The following CKAP2L variants were observed in gnomAD, a reference collection of about 807,000 sequenced individuals.
CKAP2L encodes cytoskeleton associated protein 2L, also known as cytoskeleton-associated protein 2-like.
CKAP2L carries 42 observed loss-of-function variants against 65.7 expected under a neutral mutation model. The observed-to-expected ratio is 0.64, with a 90% CI of 0.50 to 0.83. The LOEUF is 0.83. Ranked by LOEUF, CKAP2L falls within the 40% of genes least tolerant of loss-of-function variation. CKAP2L has a pLI of 0.00. For synonymous variants in CKAP2L, 325 were observed against 313.5 expected, an observed-to-expected ratio of 1.04 and a Z score of -0.39; for missense variants, 908 against 871.0, an observed-to-expected ratio of 1.04 and a Z score of -0.53.
chr2:112,760,032 T>G (rs991885522), intron 3 of CKAP2L, among the ~76,000 whole-genome samples: 4 of 152,176 alleles, frequency 2.6e-5, no homozygotes, highest in African/African-American at 9.7e-5. Flanking sequence ...TTAGTTACAT[T>G]TCAGAACACA....
intron 6 of CKAP2L, 120 bp from the exon 7 acceptor site, chr2:112,742,889 A>G (rs1680063893): frequency 3.1e-6 from 2 of 645,364 alleles, no homozygotes; most frequent in Admixed American, 6.3e-5. Context: ...ATCTCGTCTA[A>G]CTATAAATCT....
intron 7 of CKAP2L, chr2:112,742,501 C>T: frequency 2.8e-6 from 2 of 718,628 alleles, no homozygotes; most frequent in Non-Finnish European, 5.2e-6. Flanking sequence ...GTGGAAACAA[C>T]CTTTGTTCAG....
At chr2:112,750,925 C>G (rs1680354719) in intron 5 of CKAP2L, among the ~76,000 whole-genome samples, 1 of 151,870 alleles carries the variant, frequency 6.6e-6, no homozygotes, top group Non-Finnish European at 1.5e-5. Context: ...AACCTGAGGT[C>G]TTTTAAAAAG....
At position 112,737,419 on chromosome 2, in the gene CKAP2L, T is replaced by C. The variant is rs957376016; in HGVS notation, c.*1404A>G. 2 of 152,244 alleles carry C rather than the reference T, an allele frequency of 1.3e-5. No individual in the cohort carries two copies. Among genetic ancestry groups the C allele is most frequent in the African/African-American group, 4.8e-5 (2 of 41,464 alleles). 9.4% of individuals were successfully genotyped at this position (152,244 alleles called of 1,614,324 possible). A position where few individuals can be genotyped will look rare whatever the true frequency, so the allele number is the denominator to read the frequency against. On this transcript the variant is annotated 3_prime_UTR_variant, in exon 9 of 9. Transcript: ENST00000302450. ...CATGTCTTGTTAATAGCCATTCTTA[T>C]AGATGTGAGGTGATAGCTCACAGTG...
At position 112,756,524 on chromosome 2, in the gene CKAP2L, T is replaced by G. The variant is rs374752968; in HGVS notation, c.847A>C (p.Ile283Leu). 9.8e-5 allele frequency: 158 copies of G among 1,609,458 alleles called. No individual in the cohort carries two copies. The highest frequency in any genetic ancestry group is 1.2e-4 in the Non-Finnish European group (140 of 1,178,270). ...GACTGAACTTTACTAAGGGTCCGAA[T>G]AAAGTGAGAGGGAACCGTCCTTGAG... ...KPSRTVPSHF[I>L]RTLSKVQSSK... The change falls in exon 4 of 9, where the codon ATT becomes CTT. Residue 283 changes from isoleucine to leucine, a missense_variant. Ile to Leu is a conservative substitution (Grantham distance 5). Transcript: ENST00000302450.
At position 112,746,466 on chromosome 2, in the gene CKAP2L, A is replaced by G. The variant is rs1680203848; in HGVS notation, c.1712T>C (p.Phe571Ser). Residue 571 changes from phenylalanine to serine, a missense_variant, in exon 6 of 9, where the codon TTT becomes TCT. Coordinates refer to ENST00000302450, the MANE Select transcript of CKAP2L (RefSeq NM_152515.5). ...CTCTTCATATAGCCCAATAACATCA[A>G]AGGTGCCTTTACTTGCCAACAACTT... Reference protein sequence around the residue: ...KAKLLASKGTFDVIGLYEEAI... With the variant: ...KAKLLASKGTSDVIGLYEEAI... The G allele has an allele frequency of 1.9e-6, 3 of 1,613,286 alleles. No individual in the cohort carries two copies. The highest frequency in any genetic ancestry group is 2.5e-6 in the Non-Finnish European group (3 of 1,179,416).
intron 5 of CKAP2L, among the ~76,000 whole-genome samples, chr2:112,749,667 T>C (rs1028382353): frequency 2.0e-5 from 3 of 152,228 alleles, no homozygotes; most frequent in Admixed American, 2.0e-4. Context: ...AGATATTTTT[T>C]GGGTTAAAGA....
At chr2:112,749,706 G>C (rs1023592718) in intron 5 of CKAP2L, among the ~76,000 whole-genome samples, 3 of 152,156 alleles carry the variant, frequency 2.0e-5, no homozygotes, top group African/African-American at 7.2e-5. Context: ...AAGCTATTTA[G>C]AAATGAACAA....
At chr2:112,743,378 G>A (rs1292892816) in intron 6 of CKAP2L, among the ~76,000 whole-genome samples, 2 of 151,992 alleles carry the variant, frequency 1.3e-5, no homozygotes, top group Non-Finnish European at 2.9e-5. Flanking sequence ...TCCTGACATC[G>A]TGATCCACCC....
At position 112,761,014 on chromosome 2, in the gene CKAP2L, T is replaced by G. The variant is rs576141741; in HGVS notation, c.105-250A>C. On this transcript the variant is annotated intron_variant, in intron 2 of 8. Transcript: ENST00000302450. ...CCTTGTGATCCTTACAGAGACTGTC[T>G]ATACATAAATCTAGCATTCTCACAA... Among the ~76,000 whole-genome samples, 4 of 152,164 alleles carry G rather than the reference T, an allele frequency of 2.6e-5. No individual in the cohort carries two copies. The East Asian group carries it at 7.7e-4, about 29-fold the overall frequency.
intron 5 of CKAP2L, among the ~76,000 whole-genome samples, chr2:112,748,866 TAA>T (rs200133244): frequency 0.018 from 2,407 of 134,520 alleles, 72 homozygotes; most frequent in African/African-American, 0.062. Flanking sequence ...CCCTGTCTCT[TAA>T]AAAAAAAAAA....
At chr2:112,764,536 A>G in intron 1 of CKAP2L, 26 bp downstream of exon 1, 1 of 1,613,680 alleles carries the variant, frequency 6.2e-7, no homozygotes, top group Non-Finnish European at 8.5e-7. Context: ...ACGCCTGAGA[A>G]TAACGGGAAC....
intron 5 of CKAP2L, among the ~76,000 whole-genome samples, chr2:112,749,970 T>A (rs996984008): frequency 2.2e-4 from 33 of 152,102 alleles, no homozygotes; most frequent in South Asian, 8.3e-4. Context: ...CATCTTTTTT[T>A]CCCCCTCAGA....
intron 5 of CKAP2L, among the ~76,000 whole-genome samples, chr2:112,749,906 G>A (rs759114194): frequency 2.6e-5 from 4 of 152,142 alleles, no homozygotes; most frequent in African/African-American, 7.2e-5. Flanking sequence ...CTTCCTATTT[G>A]CTTTCATCAC....
intron 1 of CKAP2L, 107 bp downstream of exon 1, chr2:112,764,455 A>C (rs1680836149): frequency 2.4e-6 from 3 of 1,244,910 alleles, no homozygotes; most frequent in East Asian, 4.7e-5. Context: ...AAACTTAGGC[A>C]GGCGAGCGGA....
Position 112,764,477 on chromosome 2 carries a change from C to T in CKAP2L, c.37+85G>A. On this transcript the variant is annotated intron_variant, in intron 1 of 8. Coordinates refer to ENST00000302450, the MANE Select transcript of CKAP2L (RefSeq NM_152515.5). ...GGCAGGCGAGCGGACGGGCACCTCC[C>T]GCGGGACGAACTCACTCGGTGGCCT... 8 of 1,473,962 alleles carry T rather than the reference C, an allele frequency of 5.4e-6. No homozygotes were observed. The South Asian group carries it at 6.8e-5, about 13-fold the overall frequency. The allele number at this position is 1,473,962 out of a possible 1,614,324, so 91.3% of individuals were successfully genotyped here.
chr2:112,763,066 G>C (rs184384634), intron 1 of CKAP2L, among the ~76,000 whole-genome samples: 1 of 152,170 alleles, frequency 6.6e-6, no homozygotes, highest in Non-Finnish European at 1.5e-5. Context: ...GATTACAGGC[G>C]TAAGTCAAAG....
rs1679189995 is a variant in CKAP2L at position 112,736,481 on chromosome 2, A to G, written c.*2342T>C. 2 of 152,232 alleles carry G rather than the reference A, an allele frequency of 1.3e-5. No homozygotes were observed. The highest frequency in any genetic ancestry group is 6.5e-5 in the Admixed American group (1 of 15,280). 9.4% of individuals were successfully genotyped at this position (152,232 alleles called of 1,614,324 possible). On this transcript the variant is annotated 3_prime_UTR_variant, in exon 9 of 9. Coordinates refer to ENST00000302450, the MANE Select transcript of CKAP2L (RefSeq NM_152515.5). Reference sequence around the variant, plus strand: ...ATCATCTCAGTTTTTTTGTGATAATAGCAGCTAAAATCTACTTATTTAACA... The same window carrying G: ...ATCATCTCAGTTTTTTTGTGATAATGGCAGCTAAAATCTACTTATTTAACA...
In CKAP2L at chr2:112,764,520, G is replaced by C. The variant is rs1558766023; in HGVS notation, c.37+42C>G. On this transcript the variant is annotated intron_variant, in intron 1 of 8. Transcript: ENST00000302450. ...GGTGGCCTCCTACTTCCCCGGCCGTGTTCCAACGCCTGAGAATAACGGGAA... is the reference window on the plus strand; with the variant it reads ...GGTGGCCTCCTACTTCCCCGGCCGTCTTCCAACGCCTGAGAATAACGGGAA... The C allele has an allele frequency of 5.6e-6, 9 of 1,610,868 alleles. No homozygotes were observed. The Admixed American group carries it at 8.3e-5, about 15-fold the overall frequency.
Sources: gnomAD v4.1 joint callset for allele counts (sites outside exome capture counted in the v4.1 genomes callset) on GRCh38, gnomAD v4.1.1 for gene constraint, MANE v1.5 for transcripts, NCBI Gene and HGNC (gene_info 2026-07-23, HGNC 2026-07-21) for gene names.